The following MAP1B variants were observed in gnomAD, a reference collection of about 807,000 sequenced individuals.
MAP1B encodes the protein microtubule associated protein 1B.
Under a neutral mutation model 176.1 loss-of-function variants are expected in MAP1B, and 12 were observed. The ratio of observed to expected loss-of-function variants is 0.07; its 90% CI spans 0.04 to 0.11. The LOEUF is 0.11. MAP1B is among the 10% of genes least tolerant of loss of function. The pLI is 1.00. For missense variants in MAP1B, 2,523 were observed against 2,990.5 expected (o/e 0.84, Z 3.65); for synonymous variants, 1,044 against 1,135.0 (o/e 0.92, Z 1.61).
Position 72,174,928 on chromosome 5 carries a change from TTTCCCCC to T in MAP1B, c.287-8801_287-8795del, listed in dbSNP as rs1352079674. On this transcript the variant is annotated intron_variant, in intron 2 of 6. Coordinates refer to ENST00000296755, the MANE Select transcript of MAP1B (RefSeq NM_005909.5). ...CCCTCCTTCCTTCCCTCCTTCCCCC[TTTCCCCC>T]TTCCCCCTTCCCCTCTTTGGCCCTT... is the stretch of plus-strand genomic sequence containing the variant. 4.8e-4 allele frequency among the ~76,000 whole-genome samples: 31 copies of T among 64,650 alleles called. No homozygotes were observed. The South Asian group carries it at 9.1e-3, about 19-fold the overall frequency. 42.4% of individuals were successfully genotyped at this position (64,650 alleles called of 152,430 possible).
rs372978748 is a variant in MAP1B at position 72,197,875 on chromosome 5, T to C, written c.4520T>C (p.Val1507Ala). Residue 1507 changes from valine (V) to alanine (A), a missense_variant, in exon 5 of 7, where the codon GTC becomes GCC. This residue lies in a region of MAP1B where 1,925 missense variants were observed against 2,126.0 expected (regional missense o/e 0.91). Transcript: ENST00000296755. ...GATGTTTCTCCCACACAAATAGATG[T>C]CAGTCAGTTTGGATCTTTTAAAGAA... ...LGDVSPTQID[V>A]SQFGSFKEDT... 2.5e-5 allele frequency: 41 copies of C among 1,614,076 alleles called. No homozygotes were observed. The African/African-American group carries it at 4.9e-4, about 19-fold the overall frequency.
intron 2 of MAP1B, among the ~76,000 whole-genome samples, chr5:72,157,713 G>C (rs542712678): frequency 2.0e-5 from 3 of 152,200 alleles, no homozygotes; most frequent in Non-Finnish European, 4.4e-5. Flanking sequence ...TCCCCTAATA[G>C]ATTCTTGCTG....
Position 72,153,646 on chromosome 5 carries a change from A to G in MAP1B, c.287-30097A>G, listed in dbSNP as rs539039259. On this transcript the variant is annotated intron_variant, in intron 2 of 6. Transcript: ENST00000296755. Reference sequence around the variant, plus strand: ...GTGAAGAAGACGGGTTCTTAAGAATACAAACCCTTGAACATGTCAGATTTA... The same window carrying G: ...GTGAAGAAGACGGGTTCTTAAGAATGCAAACCCTTGAACATGTCAGATTTA... Among the ~76,000 whole-genome samples, 3 of 152,202 alleles carry G rather than the reference A, an allele frequency of 2.0e-5. No homozygotes were observed. In the South Asian group the frequency reaches 6.2e-4, roughly 32 times the overall value.
rs559186362 is a variant in MAP1B at position 72,195,950 on chromosome 5, G to T, written c.2595G>T (p.Glu865Asp). The change falls in exon 5 of 7, where the codon GAG (glutamate) becomes GAT (aspartate). Residue 865 changes from glutamate (E) to aspartate (D), a missense_variant. By Grantham distance (45) the Glu-to-Asp change is conservative. Transcript: ENST00000296755. The stretch of plus-strand genomic sequence containing the variant: ...AGCTGGAGCTAATCGAAGACGAAGA[G>T]AAACTGAAGGAAACTGAGCCAGTCG... ...KPQLELIEDE[E>D]KLKETEPVEA... 3 of 1,614,098 alleles carry T rather than the reference G, an allele frequency of 1.9e-6. No homozygotes were observed. Among genetic ancestry groups the T allele is most frequent in the Non-Finnish European group, 2.5e-6 (3 of 1,180,048 alleles).
At position 72,195,435 on chromosome 5, in the gene MAP1B, A is replaced by G. The variant is rs1472662625; in HGVS notation, c.2080A>G (p.Lys694Glu). 6 of 1,568,532 alleles carry G rather than the reference A, an allele frequency of 3.8e-6. No homozygotes were observed. The highest frequency in any genetic ancestry group is 5.2e-6 in the Non-Finnish European group (6 of 1,160,464). Reference sequence around the variant, plus strand: ...AAAAGAGATCAAGAAAGAAGAGAAAAAAGAACCCAAGAAAGAGGTTAAGAA... The same window carrying G: ...AAAAGAGATCAAGAAAGAAGAGAAAGAAGAACCCAAGAAAGAGGTTAAGAA... ...VKKEIKKEEK[K>E]EPKKEVKKET... The change falls in exon 5 of 7, where the codon AAA (lysine) becomes GAA (glutamate). Residue 694 changes from lysine to glutamate, a missense_variant. By Grantham distance (56) the Lys-to-Glu change is moderately conservative. Coordinates refer to ENST00000296755, the MANE Select transcript of MAP1B (RefSeq NM_005909.5).
rs888037943 is a variant in MAP1B, at chr5:72,199,679, G to C, written c.6324G>C (p.Glu2108Asp). 1.2e-6 allele frequency: 2 copies of C among 1,614,146 alleles called. No homozygotes were observed. Among genetic ancestry groups the C allele is most frequent in the African/African-American group, 2.7e-5 (2 of 75,040 alleles). ...CTTTCATTAATCCCAATCCTCTTGA[G>C]TGGTTTGCCAGTGAAGAACCCACTG... ...SPSFINPNPL[E>D]WFASEEPTEE... Residue 2108 changes from glutamate to aspartate, a missense_variant, in exon 5 of 7, where the codon GAG becomes GAC. Coordinates refer to ENST00000296755, the MANE Select transcript of MAP1B (RefSeq NM_005909.5). This position sits in a 1 kb window ranked among gnomAD's most constrained non-coding sequence, Gnocchi z 4.2.
At chr5:72,170,367 T>C (rs1746512647) in intron 2 of MAP1B, among the ~76,000 whole-genome samples, 1 of 152,160 alleles carries the variant, frequency 6.6e-6, no homozygotes, top group African/African-American at 2.4e-5. Flanking sequence ...CAGCTCTCTG[T>C]ATGATGTTTC....
chr5:72,159,119 TTA>T (rs1296091706), intron 2 of MAP1B, among the ~76,000 whole-genome samples: 1 of 152,146 alleles, frequency 6.6e-6, no homozygotes, highest in African/African-American at 2.4e-5. Context: ...GGATTTGAAC[TTA>T]TGTTTGCCAG....
chr5:72,137,187 T>C (rs1745854077), intron 2 of MAP1B, among the ~76,000 whole-genome samples: 1 of 152,216 alleles, frequency 6.6e-6, no homozygotes, highest in Non-Finnish European at 1.5e-5. Flanking sequence ...TTCCTAGGCA[T>C]GTCAGACCAT....
intron 2 of MAP1B, among the ~76,000 whole-genome samples, chr5:72,135,254 A>G (rs572985138): frequency 1.3e-5 from 2 of 152,254 alleles, no homozygotes; most frequent in East Asian, 3.9e-4. Flanking sequence ...GTCCAATGGC[A>G]TTAATTGGCA....
Position 72,121,565 on chromosome 5 carries a change from C to T in MAP1B, c.286+5766C>T, listed in dbSNP as rs1490249872. Among the ~76,000 whole-genome samples, 6 of 152,144 alleles carry T rather than the reference C, an allele frequency of 3.9e-5. No individual in the cohort carries two copies. The South Asian group carries it at 8.3e-4, about 21-fold the overall frequency. ...AACATCTTGCCTGGAGATTGGTTTTCGATGGAGAATTAGAATCAGCCCTTT... is the reference window on the plus strand; with the variant it reads ...AACATCTTGCCTGGAGATTGGTTTTTGATGGAGAATTAGAATCAGCCCTTT... On this transcript the variant is annotated intron_variant, in intron 2 of 6. Transcript: ENST00000296755.
In MAP1B at chr5:72,199,386, A is replaced by G. The variant is rs759455891; in HGVS notation, c.6031A>G (p.Thr2011Ala). The change falls in exon 5 of 7, where the codon ACT (threonine) becomes GCT (alanine). Residue 2011 changes from threonine to alanine, a missense_variant. Physicochemically the swap from Thr to Ala is moderately conservative, Grantham distance 58. Transcript: ENST00000296755. The surrounding 1 kb of genome is among the most constrained non-coding windows in gnomAD (Gnocchi z 4.2). ...GGACCCCAGCTACTCTTATGAAACC[A>G]CTGAGAAAATTACCAGTTTCCCTGA... ...LGDPSYSYETTEKITSFPESE... is the reference protein window; with the variant it reads ...LGDPSYSYETAEKITSFPESE... 2 of 1,614,166 alleles carry G rather than the reference A, an allele frequency of 1.2e-6. No homozygotes were observed. The highest frequency in any genetic ancestry group is 2.2e-5 in the East Asian group (1 of 44,872).
At chr5:72,124,063 A>G (rs981898119) in intron 2 of MAP1B, among the ~76,000 whole-genome samples, 29 of 152,320 alleles carry the variant, frequency 1.9e-4, no homozygotes, top group African/African-American at 7.0e-4. Flanking sequence ...TGATTGTTCA[A>G]CCATGGGTTT....
At chr5:72,135,997 G>A (rs1191132938) in intron 2 of MAP1B, among the ~76,000 whole-genome samples, 1 of 152,204 alleles carries the variant, frequency 6.6e-6, no homozygotes, top group African/African-American at 2.4e-5. Flanking sequence ...AGTGCATTTG[G>A]TGAGCTGGTT....
intron 2 of MAP1B, among the ~76,000 whole-genome samples, chr5:72,125,238 G>A (rs1450564265): frequency 6.6e-6 from 1 of 152,148 alleles, no homozygotes; most frequent in Admixed American, 6.5e-5. Flanking sequence ...AATTGAAAGT[G>A]GTATTTGGTG....
intron 2 of MAP1B, among the ~76,000 whole-genome samples, chr5:72,155,821 C>T (rs1186681451): frequency 7.1e-6 from 1 of 141,674 alleles, no homozygotes; most frequent in Admixed American, 7.8e-5. Context: ...GGCTGGAGTA[C>T]AGTGGCGCAA....
chr5:72,108,387 A>G (rs1467467980), intron 1 of MAP1B, among the ~76,000 whole-genome samples: 1 of 151,912 alleles, frequency 6.6e-6, no homozygotes, highest in Non-Finnish European at 1.5e-5. Context: ...CCTTGGCTGC[A>G]GCTCTCAGAA....
chr5:72,149,710 G>A (rs1746108367), intron 2 of MAP1B, among the ~76,000 whole-genome samples: 1 of 152,190 alleles, frequency 6.6e-6, no homozygotes, highest in African/African-American at 2.4e-5. Flanking sequence ...GGGCTGATGG[G>A]TTGGAAGAGA....
intron 2 of MAP1B, among the ~76,000 whole-genome samples, chr5:72,121,290 A>G (rs768192129): frequency 2.0e-5 from 3 of 152,260 alleles, no homozygotes; most frequent in African/African-American, 7.2e-5. Flanking sequence ...ACAGGTGACT[A>G]TAGACGTTGC....
Sources: allele counts gnomAD v4.1 joint callset (sites outside exome capture counted in the v4.1 genomes callset), GRCh38; gene constraint gnomAD v4.1.1; regional missense constraint gnomAD v4.1.1; non-coding constraint Gnocchi (gnomAD v3.1); transcripts MANE v1.5; gene names NCBI Gene and HGNC (gene_info 2026-07-23, HGNC 2026-07-21).